MAPK10: variants seen among roughly 807,000 people sequenced by gnomAD.
The protein encoded by MAPK10 is JNK3 alpha protein kinase.
A neutral mutation model predicts 59.3 loss-of-function variants in MAPK10; 25 were observed. That is an observed-to-expected ratio of 0.42 (90% CI 0.31 to 0.59). MAPK10 has a LOEUF of 0.59. MAPK10 is among the 20% of genes least tolerant of loss of function. The pLI is 0.15. For synonymous variants in MAPK10, 190 were observed against 200.5 expected (o/e 0.95, Z 0.44); for missense variants, 351 against 568.9 (o/e 0.62, Z 3.90).
chr4:86,398,892 G>C (rs1743320360), intron 1 of MAPK10, among the ~76,000 whole-genome samples: 2 of 152,116 alleles, frequency 1.3e-5, no homozygotes, highest in Non-Finnish European at 2.9e-5. Flanking sequence ...ATTCACTTAG[G>C]ATAATGGCCT....
intron 1 of MAPK10, among the ~76,000 whole-genome samples, chr4:86,448,365 C>A (rs945086393): frequency 6.6e-6 from 1 of 150,634 alleles, no homozygotes; most frequent in African/African-American, 2.4e-5. Flanking sequence ...CCATATGAAT[C>A]TTAGAGTCAA....
intron 9 of MAPK10, among the ~76,000 whole-genome samples, chr4:86,068,770 C>T (rs1179891165): frequency 6.6e-6 from 1 of 152,098 alleles, no homozygotes; most frequent in East Asian, 1.9e-4. Flanking sequence ...GGAGCTAGCT[C>T]TTTTTGCAGA....
chr4:86,151,140 G>A (rs1448727831), intron 4 of MAPK10, among the ~76,000 whole-genome samples: 2 of 152,182 alleles, frequency 1.3e-5, no homozygotes, highest in Non-Finnish European at 2.9e-5. Context: ...TGGCCAGCCT[G>A]ACGGTGTCCC....
chr4:86,108,222 A>G (rs1028120595), intron 4 of MAPK10, among the ~76,000 whole-genome samples: 1 of 152,134 alleles, frequency 6.6e-6, no homozygotes, highest in South Asian at 2.1e-4. Context: ...TGAAAAAGCT[A>G]TCTAAATATT....
At chr4:86,478,027 A>C (rs1019170137) in intron 1 of MAPK10, among the ~76,000 whole-genome samples, 2 of 152,070 alleles carry the variant, frequency 1.3e-5, no homozygotes, top group East Asian at 1.9e-4. Flanking sequence ...CGGCATAATT[A>C]TCATAAAAAC....
intron 2 of MAPK10, among the ~76,000 whole-genome samples, chr4:86,195,885 C>T (rs72975091): frequency 0.019 from 2,928 of 152,262 alleles, 103 homozygotes; most frequent in African/African-American, 0.067. Context: ...CATGCCCCTG[C>T]AAAGGACATG....
chr4:86,303,049 T>C (rs1187029732), intron 2 of MAPK10, among the ~76,000 whole-genome samples: 1 of 152,118 alleles, frequency 6.6e-6, no homozygotes, highest in Non-Finnish European at 1.5e-5. Flanking sequence ...TTACAATCAT[T>C]ATTACCCCTA....
At chr4:86,139,296 C>T (rs1489464388) in intron 4 of MAPK10, among the ~76,000 whole-genome samples, 4 of 150,080 alleles carry the variant, frequency 2.7e-5, no homozygotes, top group Admixed American at 2.0e-4. Flanking sequence ...TACAAGGCTA[C>T]AGTAACCAAA....
At chr4:86,452,470 C>T (rs1231817462) in intron 1 of MAPK10, among the ~76,000 whole-genome samples, 1 of 152,100 alleles carries the variant, frequency 6.6e-6, no homozygotes, top group East Asian at 1.9e-4. Flanking sequence ...CCTTTTCTTT[C>T]CCTAATTCCT....
At chr4:86,568,638 TCACA>T (rs1439433769) in intron 1 of MAPK10, among the ~76,000 whole-genome samples, 1 of 151,940 alleles carries the variant, frequency 6.6e-6, no homozygotes, top group Non-Finnish European at 1.5e-5. Flanking sequence ...GGAAATAAAG[TCACA>T]CACCTACAAC....
intron 1 of MAPK10, among the ~76,000 whole-genome samples, chr4:86,514,919 G>A (rs1198806524): frequency 2.6e-5 from 4 of 152,164 alleles, no homozygotes; most frequent in Non-Finnish European, 5.9e-5. Context: ...CTTTAGGTGT[G>A]ATTTCTGAGA....
At chr4:86,052,002 G>C (rs2043635696) in intron 11 of MAPK10, among the ~76,000 whole-genome samples, 1 of 151,896 alleles carries the variant, frequency 6.6e-6, no homozygotes, top group South Asian at 2.1e-4. Flanking sequence ...TTGAAGAGTA[G>C]ACAGTGGCTA....
chr4:86,551,495 G>A (rs1010150828), intron 1 of MAPK10, among the ~76,000 whole-genome samples: 1 of 152,050 alleles, frequency 6.6e-6, no homozygotes, highest in African/African-American at 2.4e-5. Flanking sequence ...AATAACATGA[G>A]TTTACTTCCT....
At chr4:86,198,373 A>G (rs998994277) in intron 2 of MAPK10, among the ~76,000 whole-genome samples, 1 of 152,048 alleles carries the variant, frequency 6.6e-6, no homozygotes, top group African/African-American at 2.4e-5. Flanking sequence ...ACATCATCCT[A>G]TGGGAACTGG....
At chr4:86,070,535 TC>T (rs1553949869) in intron 9 of MAPK10, among the ~76,000 whole-genome samples, 10 of 141,948 alleles carry the variant, frequency 7.0e-5, no homozygotes, top group Non-Finnish European at 6.2e-5. Flanking sequence ...ATGCTATCCT[TC>T]CCCCCTCCCC....
At chr4:86,265,508 C>CAA (rs529247040) in intron 2 of MAPK10, among the ~76,000 whole-genome samples, 11 of 114,956 alleles carry the variant, frequency 9.6e-5, no homozygotes, top group African/African-American at 3.1e-4. Context: ...GTCTCCATCT[C>CAA]AAAAAAAAAA....
chr4:86,562,275 T>A (rs1287554409), intron 1 of MAPK10, among the ~76,000 whole-genome samples: 1 of 151,922 alleles, frequency 6.6e-6, no homozygotes, highest in African/African-American at 2.4e-5. Context: ...CAAGAGCCTA[T>A]CAAAAAAATT....
intron 3 of MAPK10, among the ~76,000 whole-genome samples, chr4:86,189,544 C>A (rs1017368652): frequency 1.3e-5 from 2 of 152,062 alleles, no homozygotes; most frequent in Non-Finnish European, 2.9e-5. Context: ...ATTTGGCTCT[C>A]TGTTTGTCTA....
intron 1 of MAPK10, among the ~76,000 whole-genome samples, chr4:86,511,904 TGAG>T (rs932421472): frequency 1.4e-5 from 2 of 147,476 alleles, no homozygotes; most frequent in African/African-American, 5.0e-5. Context: ...AGGAGAAGAA[TGAG>T]GAGGAAGGAA....
Sources: gnomAD v4.1 joint callset for allele counts (sites outside exome capture counted in the v4.1 genomes callset) on GRCh38, gnomAD v4.1.1 for gene constraint, MANE v1.5 for transcripts, NCBI Gene and HGNC (gene_info 2026-07-23, HGNC 2026-07-21) for gene names.